Variants in HMCN2 observed in about 807,000 individuals in gnomAD.
The protein encoded by HMCN2 is hemicentin 2.
Under a neutral mutation model 377.5 loss-of-function variants are expected in HMCN2, and 325 were observed. The observed-to-expected ratio is 0.86, with a 90% CI of 0.79 to 0.94. The LOEUF is 0.94. Among genes scored for constraint, HMCN2 ranks in the 40% least tolerant of loss-of-function variants. HMCN2 has a pLI of 0.00. For missense variants in HMCN2, 4,543 were observed against 4,725.3 expected, an observed-to-expected ratio of 0.96 and a Z score of 1.13; for synonymous variants, 2,007 against 2,046.8, an observed-to-expected ratio of 0.98 and a Z score of 0.53.
chr9:130,403,417 C>A (rs1245216385), intron 79 of HMCN2, 89 bp downstream of exon 79: 3 of 1,239,772 alleles, frequency 2.4e-6, no homozygotes, highest in Non-Finnish European at 3.1e-6. Context: ...CCTGGGAGAC[C>A]CCGCAGACCT....
chr9:130,391,807 C>A, intron 65 of HMCN2, 128 bp from the exon 66 acceptor site: 1 of 593,646 alleles, frequency 1.7e-6, no homozygotes, highest in Non-Finnish European at 2.1e-6. Flanking sequence ...GGGCCTCATC[C>A]TTCACAAGGG....
In HMCN2 at chr9:130,365,864, G is replaced by T. The variant is rs1021719178; in HGVS notation, c.6506-12G>T. 6 of 985,446 alleles carry T rather than the reference G, an allele frequency of 6.1e-6. No homozygotes were observed. The highest frequency in any genetic ancestry group is 4.8e-6 in the Non-Finnish European group (4 of 829,778). The allele number at this position is 985,446 out of a possible 1,614,324, so 61.0% of individuals were successfully genotyped here. On this transcript the variant is annotated splice_polypyrimidine_tract_variant and intron_variant, in intron 42 of 97. Transcript: ENST00000683500. ...CCCCACCCCCACTAACTCTCTCTCT[G>T]CTCTGACTCAGTTGCTCCAGTGTTC...
chr9:130,432,432 T>C lies in HMCN2; in HGVS notation c.14771T>C (p.Ile4924Thr). The C allele has an allele frequency of 6.4e-7, 1 of 1,551,004 alleles. No individual in the cohort carries two copies. Among genetic ancestry groups the C allele is most frequent in the Non-Finnish European group, 8.7e-7 (1 of 1,147,090 alleles). ...CTTCACCAACTTCCCCATCCAGACA[T>C]CAACGAGTGCGAGGAGGAGAGCATC... The part of the protein sequence containing the change: ...LLPSGKNCQD[I>T]NECEEESIEC... The change falls in exon 97 of 98, where the codon ATC becomes ACC. Residue 4924 changes from isoleucine (I) to threonine (T), a missense_variant. Coordinates refer to ENST00000683500, the MANE Select transcript of HMCN2 (RefSeq NM_001291815.2).
At chr9:130,386,406 T>C in intron 60 of HMCN2, 37 bp from the exon 61 acceptor site, 10 of 1,267,396 alleles carry the variant, frequency 7.9e-6, no homozygotes, top group Non-Finnish European at 1.0e-5. Flanking sequence ...CACTTCCAGC[T>C]CCAGCACACA....
At chr9:130,409,749 A>G (rs904679201) in intron 84 of HMCN2, among the ~76,000 whole-genome samples, 1 of 152,216 alleles carries the variant, frequency 6.6e-6, no homozygotes, top group Non-Finnish European at 1.5e-5. Context: ...AAAATGTCCT[A>G]AGTAATGGGC....
At chr9:130,388,957 C>T (rs1239605706) in intron 62 of HMCN2, among the ~76,000 whole-genome samples, 1 of 152,226 alleles carries the variant, frequency 6.6e-6, no homozygotes, top group Non-Finnish European at 1.5e-5. Flanking sequence ...CATCCCCCAT[C>T]CAGGCCTCCC....
Position 130,425,769 on chromosome 9 carries a change from C to G in HMCN2, c.13724C>G (p.Pro4575Arg), listed in dbSNP as rs1190479739. 6.4e-6 allele frequency: 10 copies of G among 1,550,496 alleles called. No homozygotes were observed. In the South Asian group the frequency reaches 1.2e-4, roughly 18 times the overall value. ...STQRFFQGGL[P>R]SFLRCNHSIQ... ...CAGCGCTTCTTCCAGGGCGGCCTCC[C>G]CTCGTTCCTACGCTGCAACCACAGC... is the stretch of plus-strand genomic sequence containing the variant. Residue 4575 changes from proline (P) to arginine (R), a missense_variant, in exon 90 of 98, where the codon CCC (proline) becomes CGC (arginine). By Grantham distance (103) the Pro-to-Arg change is moderately radical (BLOSUM62 -2). Coordinates refer to ENST00000683500, the MANE Select transcript of HMCN2 (RefSeq NM_001291815.2).
chr9:130,307,542 C>T lies in HMCN2; in HGVS notation c.2176C>T (p.Pro726Ser), dbSNP rs1554937289. The T allele has an allele frequency of 2.1e-6, 1 of 471,174 alleles. No homozygotes were observed. Among genetic ancestry groups the T allele is most frequent in the Non-Finnish European group, 4.4e-6 (1 of 227,052 alleles). The allele number at this position is 471,174 out of a possible 1,614,324, so 29.2% of individuals were successfully genotyped here. A position where few individuals can be genotyped will look rare whatever the true frequency, so the allele number is the denominator to read the frequency against. ...VLVCEASGVP[P>S]PRVIWYRGGL... ...GGTGTGTGAGGCATCTGGGGTTCCC[C>T]CGCCCCGAGTCATCTGGTATCGAGG... is the stretch of plus-strand genomic sequence containing the variant. The change falls in exon 14 of 98, where the codon CCG becomes TCG. Residue 726 changes from proline to serine, a missense_variant. Physicochemically the swap from Pro to Ser is moderately conservative, Grantham distance 74. Coordinates refer to ENST00000683500, the MANE Select transcript of HMCN2 (RefSeq NM_001291815.2).
In HMCN2 at chr9:130,332,837, CTG is replaced by C. The variant is rs1257127531; in HGVS notation, c.3360-5054_3360-5053del. On this transcript the variant is annotated intron_variant, in intron 22 of 97. Transcript: ENST00000683500. ...TGGGCATCTGTTGAGTGTTGCCTGA[CTG>C]TGCGCTCTGTGCTGAGAACCAGCCG... 6.6e-5 allele frequency among the ~76,000 whole-genome samples: 10 copies of C among 152,370 alleles called. No homozygotes were observed. The East Asian group carries it at 1.9e-3, about 29-fold the overall frequency.
chr9:130,371,092 G>A lies in HMCN2; in HGVS notation c.7198G>A (p.Glu2400Lys). The A allele has an allele frequency of 1.0e-6, 1 of 985,824 alleles. No individual in the cohort carries two copies. The highest frequency in any genetic ancestry group is 1.2e-6 in the Non-Finnish European group (1 of 830,032). The allele number at this position is 985,824 out of a possible 1,614,324, so 61.1% of individuals were successfully genotyped here. Reference sequence around the variant, plus strand: ...AGCCATCCGCTGGTTCCGAGGGGAGGAGCCTGTCAGCCCCGGGGAGGACAC... The same window carrying A: ...AGCCATCCGCTGGTTCCGAGGGGAGAAGCCTGTCAGCCCCGGGGAGGACAC... The part of the protein sequence containing the change: ...PPAIRWFRGE[E>K]PVSPGEDTYL... Residue 2400 changes from glutamate to lysine, a missense_variant, in exon 46 of 98, where the codon GAG becomes AAG. This residue lies in a region of HMCN2 where 1,032 missense variants were observed against 1,285.1 expected (regional missense o/e 0.80). Transcript: ENST00000683500.
At position 130,371,200 on chromosome 9, in the gene HMCN2, C is replaced by T; in HGVS notation, c.7237+69C>T. 5.7e-6 allele frequency: 5 copies of T among 884,364 alleles called. No homozygotes were observed. In the South Asian group the frequency reaches 2.6e-4, roughly 46 times the overall value. 54.8% of individuals were successfully genotyped at this position (884,364 alleles called of 1,614,324 possible). ...TCTCTGCCTCTGACTCTATCCATTA[C>T]ATGCCCATGACCTCTGACTCTGAGC... is the stretch of plus-strand genomic sequence containing the variant. On this transcript the variant is annotated intron_variant, in intron 46 of 97. Transcript: ENST00000683500.
chr9:130,420,397 G>A (rs1057222666), intron 86 of HMCN2, among the ~76,000 whole-genome samples: 1 of 152,036 alleles, frequency 6.6e-6, no homozygotes. Flanking sequence ...ACCCTCTCCT[G>A]TTGGCAGGCC....
At chr9:130,286,026 T>A (rs1835393202) in intron 3 of HMCN2, among the ~76,000 whole-genome samples, 162 bp from the exon 4 acceptor site, 1 of 152,156 alleles carries the variant, frequency 6.6e-6, no homozygotes, top group South Asian at 2.1e-4. Flanking sequence ...GATGGGCACT[T>A]CTATTTTCCC....
chr9:130,394,958 G>C lies in HMCN2; in HGVS notation c.10693-69G>C. ...GAATCCTGGGTCCCTCGATGCATGA[G>C]AAAGAAACCAGATTGGGAGGCGGGC... On this transcript the variant is annotated intron_variant, in intron 69 of 97. Transcript: ENST00000683500. This position sits in a 1 kb window ranked among gnomAD's most constrained non-coding sequence, Gnocchi z 5.1. 9.2e-7 allele frequency: 1 copy of C among 1,081,472 alleles called. No homozygotes were observed. Among genetic ancestry groups the C allele is most frequent in the South Asian group, 1.4e-5 (1 of 71,120 alleles). The allele number at this position is 1,081,472 out of a possible 1,614,324, so 67.0% of individuals were successfully genotyped here.
intron 15 of HMCN2, among the ~76,000 whole-genome samples, chr9:130,310,783 A>G (rs1837207041): frequency 1.3e-5 from 2 of 152,126 alleles, no homozygotes; most frequent in Non-Finnish European, 2.9e-5. Context: ...TGAGAATTCC[A>G]GTCTCGTCTC....
At chr9:130,325,096 C>CTTTTTTTT (rs878863979) in intron 19 of HMCN2, among the ~76,000 whole-genome samples, 4 of 128,066 alleles carry the variant, frequency 3.1e-5, no homozygotes, top group Admixed American at 8.5e-5. Flanking sequence ...TCTTCTTCTT[C>CTTTTTTTT]TTTTTTTTTT....
At chr9:130,413,250 T>C (rs1843518409) in intron 85 of HMCN2, among the ~76,000 whole-genome samples, 1 of 152,214 alleles carries the variant, frequency 6.6e-6, no homozygotes, top group African/African-American at 2.4e-5. Context: ...TTGAAGTTTT[T>C]TGCTTTGCCT....
In HMCN2 at chr9:130,297,860, C is replaced by T. The variant is rs536176868; in HGVS notation, c.1012+1066C>T. Among the ~76,000 whole-genome samples the T allele has an allele frequency of 5.3e-5, 8 of 152,242 alleles. No homozygotes were observed. In the South Asian group the frequency reaches 1.5e-3, roughly 28 times the overall value. On this transcript the variant is annotated intron_variant, in intron 7 of 97. Transcript: ENST00000683500. ...TAAGATATCCTATGTGTAGTGATGG[C>T]GCGGGGACTGAAAACTGGCCTGTCC...
rs1372997415 is a variant in HMCN2, at chr9:130,345,358, G to A, written c.3830-1808G>A. ...TGTGTATGTTTGTGGTGTGTGGTGT[G>A]TATGTGGTATGTGTGGTATGTGTAG... On this transcript the variant is annotated intron_variant, in intron 25 of 97. Transcript: ENST00000683500. Among the ~76,000 whole-genome samples the A allele has an allele frequency of 4.7e-5, 7 of 148,610 alleles. No homozygotes were observed. In the East Asian group the frequency reaches 1.4e-3, roughly 30 times the overall value.
Sources: gnomAD v4.1 joint callset for allele counts (sites outside exome capture counted in the v4.1 genomes callset) on GRCh38, gnomAD v4.1.1 for gene constraint, gnomAD v4.1.1 regional missense constraint, Gnocchi (gnomAD v3.1) non-coding constraint, MANE v1.5 for transcripts, NCBI Gene and HGNC (gene_info 2026-07-23, HGNC 2026-07-21) for gene names.